RIC8A: variants seen among roughly 807,000 people sequenced by gnomAD.
RIC8A encodes the protein RIC8 guanine nucleotide exchange factor A.
RIC8A carries 37 observed loss-of-function variants against 48.4 expected under a neutral mutation model. The ratio of observed to expected loss-of-function variants is 0.77; its 90% CI spans 0.59 to 1.01. RIC8A has a LOEUF of 1.01. Ranked by LOEUF, RIC8A falls within the 50% of genes least tolerant of loss-of-function variation. The pLI, the probability that RIC8A is intolerant of heterozygous loss-of-function variation, is 0.00. For synonymous variants in RIC8A, 288 were observed against 283.4 expected (o/e 1.02, Z -0.16); for missense variants, 681 against 696.8 (o/e 0.98, Z 0.25).
intron 9 of RIC8A, 129 bp downstream of exon 9, chr11:213,547 C>T (rs909873068): frequency 5.9e-5 from 76 of 1,289,530 alleles, no homozygotes; most frequent in Non-Finnish European, 7.1e-5. Flanking sequence ...GCATTGCTCA[C>T]GTTTGAAATC....
intron 1 of RIC8A, 47 bp from the exon 2 acceptor site, chr11:209,224 C>T (rs769713208): frequency 3.4e-5 from 55 of 1,612,250 alleles, no homozygotes; most frequent in Non-Finnish European, 4.5e-5. Context: ...TCAGCGGACG[C>T]GGATCCTACC....
Position 208,866 on chromosome 11 carries a change from G to T in RIC8A, c.12G>T (p.Arg4=), listed in dbSNP as rs1446587055. MEP[R]AVAEAVETGE... Reference sequence around the variant, plus strand: ...TTCCCCGGCGCGCCATGGAGCCCCGGGCGGTTGCAGAAGCCGTGGAGACGG... The same window carrying T: ...TTCCCCGGCGCGCCATGGAGCCCCGTGCGGTTGCAGAAGCCGTGGAGACGG... Residue 4 remains arginine (R), a synonymous_variant, in exon 1 of 10, where the codon CGG becomes CGT. Coordinates refer to ENST00000526104, the MANE Select transcript of RIC8A (RefSeq NM_001286134.2). This position sits in a 1 kb window ranked among gnomAD's most constrained non-coding sequence, Gnocchi z 4.8. 6.2e-7 allele frequency: 1 copy of T among 1,610,360 alleles called. No homozygotes were observed. Among genetic ancestry groups the T allele is most frequent in the East Asian group, 2.2e-5 (1 of 44,774 alleles).
At position 210,829 on chromosome 11, in the gene RIC8A, A is replaced by G. The variant is rs1855339074; in HGVS notation, c.818+167A>G. The G allele has an allele frequency of 8.9e-6, 6 of 673,510 alleles. No homozygotes were observed. In the South Asian group the frequency reaches 1.1e-4, roughly 12 times the overall value. 41.7% of individuals were successfully genotyped at this position (673,510 alleles called of 1,614,324 possible). A position where few individuals can be genotyped will look rare whatever the true frequency, so the allele number is the denominator to read the frequency against. ...ACATAGCCATGAATTTGGGGGCAGG[A>G]ATGTGCCAACTGGGCCTTGGGTAGT... On this transcript the variant is annotated intron_variant, in intron 4 of 9. Coordinates refer to ENST00000526104, the MANE Select transcript of RIC8A (RefSeq NM_001286134.2).
intron 3 of RIC8A, 57 bp downstream of exon 3, chr11:210,057 A>G (rs1439378546): frequency 7.0e-7 from 1 of 1,423,904 alleles, no homozygotes. Flanking sequence ...CATTTCCTGG[A>G]CCTGCTTCCT....
chr11:213,401 G>A lies in RIC8A; in HGVS notation c.1458G>A (p.Met486Ile). The A allele has an allele frequency of 6.3e-7, 1 of 1,594,380 alleles. No homozygotes were observed. The highest frequency in any genetic ancestry group is 8.5e-7 in the Non-Finnish European group (1 of 1,169,854). Residue 486 changes from methionine (M) to isoleucine (I), a missense_variant, in exon 9 of 10, where the codon ATG becomes ATA. By Grantham distance (10) the Met-to-Ile change is conservative. Transcript: ENST00000526104. Reference protein sequence around the residue: ...KEHEAMKLVTMFDKLSRNRVI... With the variant: ...KEHEAMKLVTIFDKLSRNRVI... ...ACGAGGCCATGAAGCTGGTGACCAT[G>A]TTTGACAAGCTCTCCAGGTGTGTGG...
rs1855365963 is a variant in RIC8A at position 211,876 on chromosome 11, G to A, written c.969+527G>A. 1 of 165,936 alleles carries A rather than the reference G, an allele frequency of 6.0e-6. No homozygotes were observed. Among genetic ancestry groups the A allele is most frequent in the Admixed American group, 5.7e-5 (1 of 17,580 alleles). The allele number at this position is 165,936 out of a possible 1,614,324, so 10.3% of individuals were successfully genotyped here. A position where few individuals can be genotyped will look rare whatever the true frequency, so the allele number is the denominator to read the frequency against. On this transcript the variant is annotated intron_variant, in intron 5 of 9. Transcript: ENST00000526104. The surrounding 1 kb of genome is among the most constrained non-coding windows in gnomAD (Gnocchi z 4.0). ...CCTGCCTAAGCAAGGGACACACAAGGTGCCTGCGAGCCAGTCAGGATAGGG... is the reference window on the plus strand; with the variant it reads ...CCTGCCTAAGCAAGGGACACACAAGATGCCTGCGAGCCAGTCAGGATAGGG...
Position 208,208 on chromosome 11 carries a change from C to T in RIC8A, c.-647C>T, listed in dbSNP as rs1440613193. The T allele has an allele frequency of 6.6e-6, 1 of 152,466 alleles. No individual in the cohort carries two copies. Among genetic ancestry groups the T allele is most frequent in the Admixed American group, 6.5e-5 (1 of 15,290 alleles). The allele number at this position is 152,466 out of a possible 1,614,324, so 9.4% of individuals were successfully genotyped here. ...TTCTGCCTGGAGTGGCTCCTCCAGT[C>T]TTTTCCCGGCTCACTTCCCACCGTC... is the stretch of plus-strand genomic sequence containing the variant. On this transcript the variant is annotated 5_prime_UTR_variant, in exon 1 of 10. Coordinates refer to ENST00000526104, the MANE Select transcript of RIC8A (RefSeq NM_001286134.2). This position sits in a 1 kb window ranked among gnomAD's most constrained non-coding sequence, Gnocchi z 4.8.
At chr11:213,956 A>G (rs1055813757) in intron 9 of RIC8A, among the ~76,000 whole-genome samples, 1 of 152,214 alleles carries the variant, frequency 6.6e-6, no homozygotes, top group East Asian at 1.9e-4. Context: ...AAAAAAAAAA[A>G]AGAGACTAAT....
intron 3 of RIC8A, 140 bp from the exon 4 acceptor site, chr11:210,431 A>T: frequency 1.2e-6 from 1 of 842,902 alleles, no homozygotes; most frequent in East Asian, 2.4e-5. Flanking sequence ...ACCTAGGAAG[A>T]CCCCAGGGGA....
At chr11:213,545 C>A in intron 9 of RIC8A, 127 bp downstream of exon 9, 1 of 1,329,638 alleles carries the variant, frequency 7.5e-7, no homozygotes, top group Non-Finnish European at 1.0e-6. Flanking sequence ...TTGCATTGCT[C>A]ACGTTTGAAA....
chr11:213,185 G>A, intron 8 of RIC8A, 114 bp from the exon 9 acceptor site: 1 of 1,490,228 alleles, frequency 6.7e-7, no homozygotes, highest in Admixed American at 2.0e-5. Context: ...TCTGGAGGGA[G>A]GCCTCTTCCT....
rs745600939 is a variant in RIC8A, at chr11:210,606, T to C, written c.762T>C (p.Leu254=). ...CCCTTTACCGACACCTGGGGACCCT[T>C]CTCCGGCACTGTGTGATGATCGCTA... ...DAALYRHLGT[L]LRHCVMIATA... The change falls in exon 4 of 10, where the codon CTT becomes CTC. Residue 254 remains leucine, a synonymous_variant. Transcript: ENST00000526104. 4.3e-6 allele frequency: 7 copies of C among 1,613,952 alleles called. No homozygotes were observed. The East Asian group carries it at 8.9e-5, about 21-fold the overall frequency.
chr11:212,545 T>C, intron 6 of RIC8A, 34 bp downstream of exon 6: 1 of 1,612,780 alleles, frequency 6.2e-7, no homozygotes, highest in South Asian at 1.1e-5. Flanking sequence ...TCCTGGGGGA[T>C]GTGGTTTCGG....
rs1452189641 is a variant in RIC8A at position 214,475 on chromosome 11, A to AC, written c.*129dup. ...CCGCCCCCACTTCTCCATCTTAGAA[A>AC]CCCCTTCTCTTGACTCCCGTTCTGT... On this transcript the variant is annotated 3_prime_UTR_variant, in exon 10 of 10. Coordinates refer to ENST00000526104, the MANE Select transcript of RIC8A (RefSeq NM_001286134.2). 11 of 1,203,770 alleles carry AC rather than the reference A, an allele frequency of 9.1e-6. No homozygotes were observed. In the African/African-American group the frequency reaches 1.7e-4, roughly 18 times the overall value. 74.6% of individuals were successfully genotyped at this position (1,203,770 alleles called of 1,614,324 possible). A position where few individuals can be genotyped will look rare whatever the true frequency, so the allele number is the denominator to read the frequency against.
chr11:209,336 G>A lies in RIC8A; in HGVS notation c.132+18G>A. ...ACCGGAAGGTGGGTGCTGGCCCAAG[G>A]GGTAAAGGGGCAGGGACGGGTGGCC... On this transcript the variant is annotated intron_variant, in intron 2 of 9. Coordinates refer to ENST00000526104, the MANE Select transcript of RIC8A (RefSeq NM_001286134.2). The A allele has an allele frequency of 6.2e-7, 1 of 1,609,634 alleles. No homozygotes were observed. Among genetic ancestry groups the A allele is most frequent in the Non-Finnish European group, 8.5e-7 (1 of 1,176,830 alleles).
chr11:212,850 C>T lies in RIC8A; in HGVS notation c.1224C>T (p.Ile408=). 3 of 1,605,830 alleles carry T rather than the reference C, an allele frequency of 1.9e-6. No individual in the cohort carries two copies. The highest frequency in any genetic ancestry group is 2.6e-6 in the Non-Finnish European group (3 of 1,175,366). ...CTTGCCCCTCAGTGCCCCGATTCAT[C>T]AAGTACACAGGCTATGGGAATGCTG... ...VLCSESVPRF[I]KYTGYGNAAG... Residue 408 remains isoleucine, a synonymous_variant, in exon 8 of 10, where the codon ATC becomes ATT. Transcript: ENST00000526104.
In RIC8A at chr11:209,843, G is replaced by T. The variant is rs775021430; in HGVS notation, c.569G>T (p.Arg190Leu). ...QQLFQELKGVRLLTDTLELTL... is the reference protein window; with the variant it reads ...QQLFQELKGVLLLTDTLELTL... ...CTGTTTCAGGAGCTGAAAGGAGTGC[G>T]CCTGCTAACTGACACACTGGAGCTG... Residue 190 changes from arginine to leucine, a missense_variant, in exon 3 of 10, where the codon CGC becomes CTC. Physicochemically the swap from Arg to Leu is moderately radical, Grantham distance 102. Coordinates refer to ENST00000526104, the MANE Select transcript of RIC8A (RefSeq NM_001286134.2). 1 of 1,613,684 alleles carries T rather than the reference G, an allele frequency of 6.2e-7. No homozygotes were observed. The highest frequency in any genetic ancestry group is 8.5e-7 in the Non-Finnish European group (1 of 1,180,032).
rs1257628025 is a variant in RIC8A, at chr11:213,425, G to A, written c.1475+7G>A. ...TGTTTGACAAGCTCTCCAGGTGTGT[G>A]GCATGAGGAGGAGGGGCCTGCAGCT... On this transcript the variant is annotated splice_region_variant and intron_variant, in intron 9 of 9. Transcript: ENST00000526104. The A allele has an allele frequency of 1.3e-6, 2 of 1,572,748 alleles. No homozygotes were observed. The highest frequency in any genetic ancestry group is 1.7e-6 in the Non-Finnish European group (2 of 1,158,528).
chr11:213,442 C>T (rs1225957713), intron 9 of RIC8A, 24 bp downstream of exon 9: 3 of 1,561,202 alleles, frequency 1.9e-6, no homozygotes, highest in Non-Finnish European at 2.6e-6. Flanking sequence ...GGAGGAGGGG[C>T]CTGCAGCTGG....
Sources: allele counts gnomAD v4.1 joint callset (sites outside exome capture counted in the v4.1 genomes callset), GRCh38; gene constraint gnomAD v4.1.1; non-coding constraint Gnocchi (gnomAD v3.1); transcripts MANE v1.5; gene names NCBI Gene and HGNC (gene_info 2026-07-23, HGNC 2026-07-21).